PCM1: variants seen among roughly 807,000 people sequenced by gnomAD.
PCM1 encodes pericentriolar material 1.
A neutral mutation model predicts 241.9 loss-of-function variants in PCM1; 157 were observed. The observed-to-expected ratio is 0.65, with a 90% CI of 0.57 to 0.74. The LOEUF (loss-of-function observed/expected upper bound fraction) is 0.74, where lower values mean the gene tolerates loss of function less well. Among genes scored for constraint, PCM1 ranks in the 30% least tolerant of loss-of-function variants. PCM1 has a pLI of 0.00. For synonymous variants in PCM1, 1,085 were observed against 784.9 expected (o/e 1.38, Z -6.39); for missense variants, 3,478 against 2,360.1 (o/e 1.47, Z -9.81).
intron 29 of PCM1, among the ~76,000 whole-genome samples, chr8:17,999,243 G>C (rs1198634571): frequency 6.6e-6 from 1 of 152,040 alleles, no homozygotes; most frequent in African/African-American, 2.4e-5. Flanking sequence ...TCACAGCTCA[G>C]TATACGTTGG....
chr8:17,994,940 G>A (rs375017), intron 29 of PCM1, among the ~76,000 whole-genome samples: 28,611 of 151,148 alleles, frequency 0.19, 3,392 homozygotes, highest in East Asian at 0.43. Context: ...ATCCCTTGTC[G>A]GATGGTTTGC....
intron 23 of PCM1, among the ~76,000 whole-genome samples, chr8:17,975,172 T>G (rs1351404959): frequency 6.6e-6 from 1 of 152,166 alleles, no homozygotes. Flanking sequence ...CTGGTTTATG[T>G]GGTTTTTGTT....
At chr8:17,940,278 C>G in intron 6 of PCM1, 1 of 584,548 alleles carries the variant, frequency 1.7e-6, no homozygotes. Context: ...GGAAGAACCC[C>G]TCAAATTGTT....
intron 1 of PCM1, 64 bp from the exon 2 acceptor site, chr8:17,924,649 T>C (rs2073569): frequency 6.6e-6 from 1 of 151,768 alleles, no homozygotes. Flanking sequence ...TGAAGTATTT[T>C]TTATTCTGTA....
At chr8:18,016,805 A>G (rs1045965422) in intron 36 of PCM1, among the ~76,000 whole-genome samples, 1 of 152,178 alleles carries the variant, frequency 6.6e-6, no homozygotes, top group Non-Finnish European at 1.5e-5. Context: ...GGACGATGTG[A>G]CAGAAAGGAA....
chr8:17,926,046 T>C (rs1243261913), intron 2 of PCM1: 1 of 151,544 alleles, frequency 6.6e-6, no homozygotes, highest in African/African-American at 2.4e-5. Flanking sequence ...GCAAGAAAAA[T>C]GGAACTCAAG....
Position 18,011,262 on chromosome 8 carries a change from A to G in PCM1, c.5246A>G (p.Lys1749Arg), listed in dbSNP as rs555034071. Residue 1749 changes from lysine (K) to arginine (R), a missense_variant, in exon 33 of 39, where the codon AAG becomes AGG. Transcript: ENST00000325083. ...DKDKDETETV[K>R]QTQTSEVYDG... ...GACAAGGATGAAACTGAAACAGTTA[A>G]GCAGACTCAAACATCTGAGGTGTAT... The G allele has an allele frequency of 3.1e-6, 5 of 1,606,330 alleles. No individual in the cohort carries two copies. Among genetic ancestry groups the G allele is most frequent in the East Asian group, 4.5e-5 (2 of 44,698 alleles).
chr8:18,013,041 G>A (rs1389174143), intron 34 of PCM1, among the ~76,000 whole-genome samples: 1 of 152,140 alleles, frequency 6.6e-6, no homozygotes, highest in East Asian at 1.9e-4. Context: ...CTTCACTGCA[G>A]GTAGGGCATT....
chr8:18,008,171 T>G (rs1329531182), intron 30 of PCM1, among the ~76,000 whole-genome samples: 1 of 152,038 alleles, frequency 6.6e-6, no homozygotes, highest in East Asian at 1.9e-4. Flanking sequence ...TCATCTGTAT[T>G]TACAGTCCCT....
Position 17,960,184 on chromosome 8 carries a change from C to T in PCM1, c.2192+19C>T, listed in dbSNP as rs773251898. On this transcript the variant is annotated intron_variant, in intron 14 of 38. Transcript: ENST00000325083. The stretch of plus-strand genomic sequence containing the variant: ...AGGCAAGGTATGTTAAGCTTTTGGC[C>T]TTCATTTAATATAATAAAAATTTAG... 4 of 1,554,126 alleles carry T rather than the reference C, an allele frequency of 2.6e-6. No homozygotes were observed. Among genetic ancestry groups the T allele is most frequent in the Non-Finnish European group, 1.7e-6 (2 of 1,151,792 alleles).
intron 36 of PCM1, among the ~76,000 whole-genome samples, chr8:18,016,420 A>G (rs2093204888): frequency 8.9e-6 from 1 of 112,458 alleles, no homozygotes; most frequent in Middle Eastern, 5.4e-3. Flanking sequence ...AGAAATGGTT[A>G]CACTTTACCA....
intron 23 of PCM1, among the ~76,000 whole-genome samples, chr8:17,979,547 G>A (rs538735733): frequency 6.6e-6 from 1 of 152,258 alleles, no homozygotes; most frequent in East Asian, 1.9e-4. Context: ...TACTCTAAGT[G>A]TTTGAGTGGG....
intron 36 of PCM1, chr8:18,015,630 T>C (rs1219089519): frequency 6.6e-6 from 1 of 152,176 alleles, no homozygotes; most frequent in Admixed American, 6.5e-5. Flanking sequence ...CTAAATCTCT[T>C]TTGGTCTGGT....
intron 21 of PCM1, among the ~76,000 whole-genome samples, chr8:17,968,762 G>GTGTGTGTATATATATATA (rs373502456): frequency 7.3e-6 from 1 of 136,734 alleles, no homozygotes; most frequent in African/African-American, 2.8e-5. Context: ...GTGTGTGTGT[G>GTGTGTGTATATATATATA]TATATATATA....
chr8:17,939,920 C>T (rs1194964856), intron 6 of PCM1, 59 bp downstream of exon 6: 2 of 1,156,234 alleles, frequency 1.7e-6, no homozygotes, highest in Non-Finnish European at 2.5e-6. Context: ...TGTGTATTTA[C>T]TGATGACATT....
At position 18,011,664 on chromosome 8, in the gene PCM1, T is replaced by C; in HGVS notation, c.5351-3T>C. ...ACTAAAAATTGTGTATTAATCAACTTAGATTTGTCTAAAGCTGAAACTCAG... is the reference window on the plus strand; with the variant it reads ...ACTAAAAATTGTGTATTAATCAACTCAGATTTGTCTAAAGCTGAAACTCAG... On this transcript the variant is annotated splice_polypyrimidine_tract_variant and splice_region_variant and intron_variant, in intron 33 of 38. Coordinates refer to ENST00000325083, the MANE Select transcript of PCM1 (RefSeq NM_006197.4). 3.7e-6 allele frequency: 6 copies of C among 1,601,024 alleles called. No homozygotes were observed. The highest frequency in any genetic ancestry group is 5.1e-6 in the Non-Finnish European group (6 of 1,173,862).
At chr8:17,964,538 G>A (rs1479184947) in intron 17 of PCM1, 30 bp from the exon 18 acceptor site, 2 of 1,556,538 alleles carry the variant, frequency 1.3e-6, no homozygotes, top group African/African-American at 1.4e-5. Context: ...TCTCCAGAAT[G>A]ACATCTGTTT....
At chr8:18,023,059 G>C (rs1434178947) in intron 36 of PCM1, among the ~76,000 whole-genome samples, 1 of 152,124 alleles carries the variant, frequency 6.6e-6, no homozygotes, top group Non-Finnish European at 1.5e-5. Flanking sequence ...ATATGACAGA[G>C]AATAACCATG....
intron 6 of PCM1, 23 bp downstream of exon 6, chr8:17,939,884 A>G (rs1255789269): frequency 7.3e-7 from 1 of 1,361,808 alleles, no homozygotes; most frequent in Admixed American, 2.1e-5. Context: ...CTTTTAAAAT[A>G]ACATATTATT....
Sources: allele counts gnomAD v4.1 joint callset (sites outside exome capture counted in the v4.1 genomes callset), GRCh38; gene constraint gnomAD v4.1.1; transcripts MANE v1.5; gene names NCBI Gene and HGNC (gene_info 2026-07-23, HGNC 2026-07-21).